HSD17B12: variants seen among roughly 807,000 people sequenced by gnomAD.
HSD17B12 encodes very-long-chain 3-oxoacyl-CoA reductase.
Under a neutral mutation model 39.3 loss-of-function variants are expected in HSD17B12, and 32 were observed. The observed-to-expected ratio is 0.81, with a 90% CI of 0.61 to 1.09. The LOEUF (loss-of-function observed/expected upper bound fraction) is 1.09. HSD17B12 is among the 50% of genes least tolerant of loss of function. The pLI is 0.00. For missense variants in HSD17B12, 342 were observed against 382.9 expected (o/e 0.89, Z 0.89); for synonymous variants, 150 against 146.7 (o/e 1.02, Z -0.16).
the HSD17B12 span, among the ~76,000 whole-genome samples, chr11:43,606,252 G>A: frequency 2.0e-5 from 3 of 152,180 alleles, no homozygotes; most frequent in Admixed American, 6.5e-5. Flanking sequence ...GCACCTTTCC[G>A]CAGACCAGGT....
intron 1 of HSD17B12, among the ~76,000 whole-genome samples, chr11:43,712,919 ATG>A (rs1481930825): frequency 4.6e-5 from 7 of 152,228 alleles, no homozygotes; most frequent in Admixed American, 6.5e-5. Flanking sequence ...TGAAAAAGTG[ATG>A]TGTTTCCATA....
intron 4 of HSD17B12, among the ~76,000 whole-genome samples, chr11:43,800,037 G>C (rs1368480558): frequency 6.6e-6 from 1 of 152,124 alleles, no homozygotes; most frequent in Non-Finnish European, 1.5e-5. Flanking sequence ...TGTATTGCTG[G>C]GAGTCCTTCA....
chr11:43,738,020 C>A (rs908155658), intron 1 of HSD17B12, among the ~76,000 whole-genome samples: 1 of 137,106 alleles, frequency 7.3e-6, no homozygotes, highest in African/African-American at 2.8e-5. Context: ...TTGCAGTGAG[C>A]GGAGATTGCC....
In HSD17B12 at chr11:43,696,964, G is replaced by A. The variant is rs142740752; in HGVS notation, c.160+15977G>A. Among the ~76,000 whole-genome samples, 935 of 151,462 alleles carry A rather than the reference G, an allele frequency of 6.2e-3. 14 individuals carry two copies. Among genetic ancestry groups the A allele is most frequent in the African/African-American group, 0.021 (876 of 41,280 alleles). On this transcript the variant is annotated intron_variant, in intron 1 of 10. Transcript: ENST00000278353. ...CCCATAAGTGAGAGTTGAACAATGA[G>A]AACACGTGGACACAGAGAGGGGAAC...
the HSD17B12 span, among the ~76,000 whole-genome samples, chr11:43,663,260 C>T: frequency 6.6e-6 from 1 of 152,092 alleles, no homozygotes; most frequent in Non-Finnish European, 1.5e-5. Flanking sequence ...CCACCACGCC[C>T]AGCTAATTTT....
intron 1 of HSD17B12, chr11:43,719,076 A>G: frequency 1.3e-6 from 1 of 783,994 alleles, no homozygotes; most frequent in Non-Finnish European, 2.3e-6. Context: ...GATGGAGAGA[A>G]GAAAGCATAT....
intron 1 of HSD17B12, among the ~76,000 whole-genome samples, chr11:43,699,348 G>A (rs1949941725): frequency 6.6e-6 from 1 of 151,920 alleles, no homozygotes; most frequent in South Asian, 2.1e-4. Flanking sequence ...TTCCTCTGGG[G>A]AAGTGAGAAA....
the HSD17B12 span, among the ~76,000 whole-genome samples, chr11:43,564,088 C>T: frequency 6.6e-6 from 1 of 152,060 alleles, no homozygotes; most frequent in African/African-American, 2.4e-5. Flanking sequence ...CTGAAGTGAT[C>T]CTCCTGCCTT....
chr11:43,784,360 G>A (rs1950796488), intron 3 of HSD17B12, among the ~76,000 whole-genome samples: 1 of 146,310 alleles, frequency 6.8e-6, no homozygotes, highest in South Asian at 2.2e-4. Flanking sequence ...AACTGCCAGG[G>A]CCAGATGGTG....
At chr11:43,714,498 C>G (rs1388005149) in intron 1 of HSD17B12, among the ~76,000 whole-genome samples, 1 of 152,138 alleles carries the variant, frequency 6.6e-6, no homozygotes, top group Non-Finnish European at 1.5e-5. Flanking sequence ...TGTTTTGGTA[C>G]CAGTATCATG....
At chr11:43,598,840 T>C in the HSD17B12 span, among the ~76,000 whole-genome samples, 2 of 152,168 alleles carry the variant, frequency 1.3e-5, no homozygotes, top group Non-Finnish European at 2.9e-5. Flanking sequence ...CAGCCATATA[T>C]GTACCTGTGT....
At chr11:43,792,263 T>C (rs1950874453) in intron 3 of HSD17B12, among the ~76,000 whole-genome samples, 2 of 152,168 alleles carry the variant, frequency 1.3e-5, no homozygotes, top group Admixed American at 1.3e-4. Flanking sequence ...TTAGAGAAAG[T>C]ACAAAAGACT....
the HSD17B12 span, among the ~76,000 whole-genome samples, chr11:43,636,310 C>T: frequency 1.3e-5 from 2 of 152,268 alleles, no homozygotes; most frequent in Non-Finnish European, 2.9e-5. Flanking sequence ...TCCAAAACTG[C>T]TGCTGCTGTT....
intron 1 of HSD17B12, among the ~76,000 whole-genome samples, chr11:43,717,082 A>G (rs1950130716): frequency 6.6e-6 from 1 of 152,108 alleles, no homozygotes; most frequent in African/African-American, 2.4e-5. Context: ...CCAAGTAACG[A>G]TTTCAAGGAG....
In HSD17B12 at chr11:43,775,591, TTTTA is replaced by T. The variant is rs758178101; in HGVS notation, c.283+21490_283+21493del. 1.7e-3 allele frequency among the ~76,000 whole-genome samples: 266 copies of T among 152,026 alleles called. 2 individuals carry two copies. The highest frequency in any genetic ancestry group is 5.0e-3 in the African/African-American group (206 of 41,512). On this transcript the variant is annotated intron_variant, in intron 3 of 10. Transcript: ENST00000278353. ...TATTTGCAACTCAAATTTATTTCTT[TTTTA>T]TTTATTTATTTATTTATTTTTTATT... is the stretch of plus-strand genomic sequence containing the variant.
the HSD17B12 span, among the ~76,000 whole-genome samples, chr11:43,639,822 T>A: frequency 1.3e-5 from 2 of 152,326 alleles, no homozygotes; most frequent in African/African-American, 4.8e-5. Context: ...CAAGATACTT[T>A]TCGTGAAATG....
At chr11:43,677,745 A>G (rs905002392), upstream of HSD17B12, among the ~76,000 whole-genome samples, 1 of 152,154 alleles carries the variant, frequency 6.6e-6, no homozygotes, top group African/African-American at 2.4e-5. Context: ...TTCCAGCTTC[A>G]TCCATGTCCC....
chr11:43,760,051 C>T (rs1334778244), intron 3 of HSD17B12, among the ~76,000 whole-genome samples: 4 of 152,104 alleles, frequency 2.6e-5, no homozygotes, highest in Non-Finnish European at 5.9e-5. Context: ...CACGTGCCAC[C>T]ATGCCTGGCT....
At chr11:43,692,413 TGAGATCAAAAA>T (rs1488600677) in intron 1 of HSD17B12, among the ~76,000 whole-genome samples, 1 of 152,182 alleles carries the variant, frequency 6.6e-6, no homozygotes, top group Non-Finnish European at 1.5e-5. Context: ...TATAGTGCAC[TGAGATCAAAAA>T]GATGTCCTTG....
Sources: gnomAD v4.1 joint callset for allele counts (sites outside exome capture counted in the v4.1 genomes callset) on GRCh38, gnomAD v4.1.1 for gene constraint, MANE v1.5 for transcripts, NCBI Gene and HGNC (gene_info 2026-07-23, HGNC 2026-07-21) for gene names.